Variants in CCDC171 observed in about 807,000 individuals in gnomAD.
CCDC171 encodes coiled-coil domain containing 171, also known as coiled-coil domain-containing protein 171.
CCDC171 carries 177 observed loss-of-function variants against 168.2 expected under a neutral mutation model. That is an observed-to-expected ratio of 1.05 (90% CI 0.93 to 1.19). The LOEUF is 1.19. Among genes scored for constraint, CCDC171 ranks in the 50% most tolerant of loss-of-function variants. The probability of loss-of-function intolerance (pLI) is 0.00; values close to 1 mark genes in which losing one functional copy is unlikely to be tolerated. For missense variants in CCDC171, 1,991 were observed against 1,539.0 expected (o/e 1.29, Z -4.91); for synonymous variants, 687 against 540.8 (o/e 1.27, Z -3.75).
chr9:16,094,480 C>G, the CCDC171 span, among the ~76,000 whole-genome samples: 2 of 152,132 alleles, frequency 1.3e-5, no homozygotes, highest in Non-Finnish European at 2.9e-5. Flanking sequence ...GAGTCACAAT[C>G]CAGGCCCAGC....
intron 9 of CCDC171, among the ~76,000 whole-genome samples, chr9:15,676,824 T>C (rs1344208019): frequency 1.3e-5 from 2 of 152,214 alleles, no homozygotes; most frequent in African/African-American, 4.8e-5. Flanking sequence ...GTCAGTTGAA[T>C]CCTGATCTTT....
At chr9:15,921,170 C>T (rs1193396812) in intron 25 of CCDC171, among the ~76,000 whole-genome samples, 1 of 151,704 alleles carries the variant, frequency 6.6e-6, no homozygotes, top group East Asian at 1.9e-4. Context: ...AAAACAGTAT[C>T]ATTTTGCTAT....
intron 3 of CCDC171, among the ~76,000 whole-genome samples, chr9:16,006,827 A>G (rs1374469314): frequency 6.6e-6 from 1 of 152,184 alleles, no homozygotes; most frequent in African/African-American, 2.4e-5. Flanking sequence ...AATGCAGTCT[A>G]TCATTGTTGG....
chr9:15,906,577 G>A (rs576627305), intron 24 of CCDC171, among the ~76,000 whole-genome samples: 67 of 152,262 alleles, frequency 4.4e-4, no homozygotes, highest in African/African-American at 1.5e-3. Context: ...TACTGAATGG[G>A]CAAAAACTGG....
intron 23 of CCDC171, among the ~76,000 whole-genome samples, chr9:15,859,633 A>T (rs1479316912): frequency 1.1e-5 from 1 of 89,846 alleles, no homozygotes; most frequent in East Asian, 3.6e-4. Context: ...CCACCCCCCG[A>T]ATCTTTTTGT....
intron 10 of CCDC171, among the ~76,000 whole-genome samples, chr9:15,680,429 CA>C (rs1024991514): frequency 2.0e-5 from 3 of 152,062 alleles, no homozygotes; most frequent in African/African-American, 7.2e-5. Flanking sequence ...TTATTTTCCT[CA>C]AAAAAGGTGG....
At chr9:16,023,160 C>T (rs948254774) in intron 6 of CCDC171, among the ~76,000 whole-genome samples, 3 of 151,756 alleles carry the variant, frequency 2.0e-5, no homozygotes, top group Non-Finnish European at 4.4e-5. Context: ...GTGGCGCGAT[C>T]GGGTTCATTG....
intron 24 of CCDC171, among the ~76,000 whole-genome samples, chr9:15,907,362 C>G (rs1447072406): frequency 1.3e-5 from 2 of 152,180 alleles, no homozygotes; most frequent in Non-Finnish European, 2.9e-5. Context: ...TGCATATCTA[C>G]AACCATCTGA....
intron 11 of CCDC171, among the ~76,000 whole-genome samples, chr9:15,713,652 T>C (rs1452338201): frequency 6.6e-6 from 1 of 152,112 alleles, no homozygotes; most frequent in Admixed American, 6.5e-5. Context: ...AGAATAGTTA[T>C]CTGTAGTGGA....
intron 6 of CCDC171, among the ~76,000 whole-genome samples, chr9:15,598,808 A>G (rs1010762218): frequency 1.3e-5 from 2 of 152,086 alleles, no homozygotes; most frequent in African/African-American, 4.8e-5. Context: ...GTCTCTAAGG[A>G]CTTCCTTTAT....
chr9:15,784,042 T>C (rs1274929516), intron 20 of CCDC171, among the ~76,000 whole-genome samples: 1 of 152,114 alleles, frequency 6.6e-6, no homozygotes, highest in East Asian at 1.9e-4. Flanking sequence ...CAAGATGGTA[T>C]AATAGAGTGA....
At chr9:15,772,358 T>C (rs1021351211) in intron 18 of CCDC171, among the ~76,000 whole-genome samples, 32 of 151,932 alleles carry the variant, frequency 2.1e-4, no homozygotes, top group African/African-American at 7.5e-4. Context: ...CTACTTTTTT[T>C]TTTGTCGTTT....
chr9:15,846,916 G>T (rs367904160), intron 22 of CCDC171, 69 bp downstream of exon 22: 2 of 1,411,596 alleles, frequency 1.4e-6, no homozygotes, highest in East Asian at 2.5e-5. Flanking sequence ...TCATGCTCCG[G>T]GTTTTAGCCC....
chr9:15,892,608 A>G (rs1278302020), intron 24 of CCDC171, among the ~76,000 whole-genome samples: 4 of 152,112 alleles, frequency 2.6e-5, no homozygotes, highest in Admixed American at 2.0e-4. Flanking sequence ...GTCTCAGAGT[A>G]CAAAATCGGT....
At chr9:15,631,068 C>T (rs1015128716) in intron 7 of CCDC171, among the ~76,000 whole-genome samples, 11 of 151,596 alleles carry the variant, frequency 7.3e-5, no homozygotes, top group East Asian at 3.9e-4. Flanking sequence ...AAGAGAAAGC[C>T]GGAAAGATCC....
At chr9:15,954,954 T>A (rs1829637115) in intron 25 of CCDC171, among the ~76,000 whole-genome samples, 1 of 152,124 alleles carries the variant, frequency 6.6e-6, no homozygotes, top group Admixed American at 6.6e-5. Flanking sequence ...ATTGATTTAT[T>A]ATTTTCCTTT....
chr9:15,637,205 G>A (rs1170926764), intron 7 of CCDC171, among the ~76,000 whole-genome samples: 2 of 152,054 alleles, frequency 1.3e-5, no homozygotes, highest in Non-Finnish European at 1.5e-5. Context: ...GCACTGAGCC[G>A]AGATTGTGCC....
downstream of CCDC171, among the ~76,000 whole-genome samples, chr9:16,063,199 T>G (rs554354365): frequency 1.3e-5 from 2 of 152,204 alleles, no homozygotes; most frequent in South Asian, 4.1e-4. Flanking sequence ...CCTAAGCATT[T>G]AAGGGGTGAT....
At chr9:16,079,426 A>C in the CCDC171 span, among the ~76,000 whole-genome samples, 1 of 152,334 alleles carries the variant, frequency 6.6e-6, no homozygotes, top group Non-Finnish European at 1.5e-5. Flanking sequence ...TAAAGGAGGG[A>C]AATGTGGAGA....
Sources: gnomAD v4.1 joint callset for allele counts (sites outside exome capture counted in the v4.1 genomes callset) on GRCh38, gnomAD v4.1.1 for gene constraint, MANE v1.5 for transcripts, NCBI Gene and HGNC (gene_info 2026-07-23, HGNC 2026-07-21) for gene names.